C11orf65: variants seen among roughly 807,000 people sequenced by gnomAD.
The protein encoded by C11orf65 is chromosome 11 open reading frame 65.
Under a neutral mutation model 35.3 loss-of-function variants are expected in C11orf65, and 38 were observed. The ratio of observed to expected loss-of-function variants is 1.08; its 90% CI spans 0.83 to 1.41. C11orf65 has a LOEUF of 1.41. Ranked by LOEUF, C11orf65 falls within the 40% of genes most tolerant of loss-of-function variation. The pLI is 0.00. For missense variants in C11orf65, 370 were observed against 367.1 expected, an observed-to-expected ratio of 1.01 and a Z score of -0.06; for synonymous variants, 105 against 114.4, an observed-to-expected ratio of 0.92 and a Z score of 0.53.
chr11:108,370,052 T>G (rs915912741), intron 2 of C11orf65, among the ~76,000 whole-genome samples: 2 of 152,176 alleles, frequency 1.3e-5, no homozygotes, highest in African/African-American at 4.8e-5. Context: ...ACAGACATTT[T>G]TATTAGTGTT....
At chr11:108,326,289 T>C (rs2085682140) in intron 6 of C11orf65, 2 of 1,567,244 alleles carry the variant, frequency 1.3e-6, no homozygotes, top group Non-Finnish European at 1.7e-6. Flanking sequence ...AAATGTACTT[T>C]AAAATATTTT....
At chr11:108,328,669 G>A (rs2085936575), downstream of C11orf65, among the ~76,000 whole-genome samples, 1 of 152,128 alleles carries the variant, frequency 6.6e-6, no homozygotes, top group Admixed American at 6.5e-5. Flanking sequence ...CATAGTTCAG[G>A]GCTGTCCAAT....
At chr11:108,441,129 G>T (rs2093146994) in intron 2 of C11orf65, among the ~76,000 whole-genome samples, 1 of 152,200 alleles carries the variant, frequency 6.6e-6, no homozygotes, top group Admixed American at 6.5e-5. Context: ...CCCTAATACT[G>T]TGCTTTTCCA....
At chr11:108,462,498 A>C (rs1009745286) in intron 1 of C11orf65, 3 of 152,242 alleles carry the variant, frequency 2.0e-5, no homozygotes, top group Non-Finnish European at 4.4e-5. Flanking sequence ...GAGTAACTAA[A>C]CCAGTTATTG....
chr11:108,334,678 A>T (rs1305440773), intron 3 of C11orf65, among the ~76,000 whole-genome samples: 4 of 152,236 alleles, frequency 2.6e-5, no homozygotes, highest in Admixed American at 2.6e-4. Flanking sequence ...TGCCAGATTT[A>T]GCAGTTATAA....
At chr11:108,397,295 G>C (rs972017782) in intron 6 of C11orf65, among the ~76,000 whole-genome samples, 1 of 150,622 alleles carries the variant, frequency 6.6e-6, no homozygotes, top group African/African-American at 2.4e-5. Context: ...CTCCAGCCTG[G>C]GCAGCAGAGC....
At chr11:108,351,046 C>T (rs917242747) in intron 2 of C11orf65, among the ~76,000 whole-genome samples, 2 of 152,032 alleles carry the variant, frequency 1.3e-5, no homozygotes, top group Admixed American at 1.3e-4. Flanking sequence ...AACAAATTGT[C>T]GTATATTTAT....
intron 3 of C11orf65, 134 bp downstream of exon 3, chr11:108,431,612 C>A (rs963379671): frequency 3.2e-5 from 14 of 434,746 alleles, no homozygotes; most frequent in Non-Finnish European, 5.5e-5. Flanking sequence ...GTTTTATGAA[C>A]TTTCAACATA....
At chr11:108,329,132 A>G (rs1565526813), downstream of C11orf65, 1 of 1,614,160 alleles carries the variant, frequency 6.2e-7, no homozygotes, top group East Asian at 2.2e-5. Flanking sequence ...ATACCAAAGA[A>G]TTGAAAACTA....
chr11:108,413,768 A>T (rs1218204851), intron 3 of C11orf65, among the ~76,000 whole-genome samples: 5 of 152,180 alleles, frequency 3.3e-5, no homozygotes, highest in African/African-American at 1.2e-4. Flanking sequence ...CAGAGAGATA[A>T]CTGGAAAACC....
At chr11:108,331,295 AGAAAT>A (rs1371489858), downstream of C11orf65, 13 of 1,401,080 alleles carry the variant, frequency 9.3e-6, no homozygotes, top group Non-Finnish European at 1.2e-5. Flanking sequence ...AGATAAGAAA[AGAAAT>A]GAAGGAAAAC....
downstream of C11orf65, among the ~76,000 whole-genome samples, chr11:108,379,370 C>T (rs1350315868): frequency 2.6e-5 from 4 of 150,958 alleles, no homozygotes; most frequent in South Asian, 2.1e-4. Flanking sequence ...AGTAAACTAT[C>T]GCAGGACAAA....
rs4988086 is a variant in C11orf65, at chr11:108,316,423, G to A, written c.641-7352C>T. Among the ~76,000 whole-genome samples the A allele has an allele frequency of 0.016, 2,482 of 152,204 alleles. 61 individuals carry two copies. The highest frequency in any genetic ancestry group is 0.056 in the African/African-American group (2,344 of 41,504). On this transcript the variant is annotated intron_variant, in intron 6 of 6. Coordinates refer to the C11orf65 transcript ENST00000525729. ...TGCTCGAGCATATACAATGTGCCAG[G>A]TAGTGTACTTACTGCTTCACATGGA...
rs2086723982 is a variant in C11orf65 at position 108,335,362 on chromosome 11, A to C, written c.227-70T>G. 3.3e-6 allele frequency: 4 copies of C among 1,202,846 alleles called. No individual in the cohort carries two copies. The South Asian group carries it at 5.7e-5, about 17-fold the overall frequency. 74.5% of individuals were successfully genotyped at this position (1,202,846 alleles called of 1,614,324 possible). On this transcript the variant is annotated intron_variant, in intron 2 of 3. Transcript: ENST00000524755. ...ACCATTAACATGTACAGACATGTAC[A>C]GTGAGGTTGCTTCTTATGAAAAAAA...
At chr11:108,449,953 C>T (rs1395371765) in intron 2 of C11orf65, among the ~76,000 whole-genome samples, 1 of 151,270 alleles carries the variant, frequency 6.6e-6, no homozygotes, top group African/African-American at 2.4e-5. Flanking sequence ...AAAAAAAAAC[C>T]CATCAAAAAG....
At chr11:108,340,330 TATC>T (rs2087387457) in intron 2 of C11orf65, 1 of 152,222 alleles carries the variant, frequency 6.6e-6, no homozygotes, top group African/African-American at 2.4e-5. Flanking sequence ...CAAGATGTCA[TATC>T]ATTTCATCTG....
chr11:108,334,963 T>A (rs762092284), intron 3 of C11orf65: 1 of 1,611,538 alleles, frequency 6.2e-7, no homozygotes. Context: ...TTTATACTTT[T>A]ATTAGGTGGA....
rs786202728 is a variant in C11orf65 at position 108,310,289 on chromosome 11, G to C, written c.641-1218C>G. The C allele has an allele frequency of 1.1e-5, 18 of 1,613,278 alleles. No individual in the cohort carries two copies. The highest frequency in any genetic ancestry group is 1.6e-4 in the Middle Eastern group (1 of 6,078). ...TCTATGCAGAAATCTATGCAGATAA[G>C]AAAAGTATGGATGATCAAGAGAAAA... On this transcript the variant is annotated intron_variant, in intron 6 of 6. Transcript: ENST00000525729.
At chr11:108,369,172 G>A (rs1310014887) in intron 2 of C11orf65, 4 of 157,238 alleles carry the variant, frequency 2.5e-5, no homozygotes, top group Non-Finnish European at 5.6e-5. Flanking sequence ...TCGTTCTAAG[G>A]AGAAAGCAGT....
Sources: allele counts gnomAD v4.1 joint callset (sites outside exome capture counted in the v4.1 genomes callset), GRCh38; gene constraint gnomAD v4.1.1; transcripts MANE v1.5; gene names NCBI Gene and HGNC (gene_info 2026-07-23, HGNC 2026-07-21).